Variants in NUSAP1 observed in about 807,000 individuals in gnomAD.
The protein encoded by NUSAP1 is nucleolar and spindle associated protein 1.
In NUSAP1, 32 loss-of-function variants were observed where a neutral mutation model predicts 52.8. That is an observed-to-expected ratio of 0.61 (90% CI 0.46 to 0.81). The LOEUF is 0.81. NUSAP1 is among the 40% of genes least tolerant of loss of function. The pLI is 0.00. For synonymous variants in NUSAP1, 195 were observed against 183.1 expected (o/e 1.06, Z -0.52); for missense variants, 499 against 522.3 (o/e 0.96, Z 0.43).
chr15:41,377,332 AT>A (rs1191238554), intron 10 of NUSAP1, 28 bp downstream of exon 10: 7 of 1,202,734 alleles, frequency 5.8e-6, no homozygotes. Context: ...CAGCTTTATA[AT>A]TATTTTAATT....
rs367798848 is a variant in NUSAP1, at chr15:41,359,707, C to CTGCA, written c.660+1450_660+1453dup. On this transcript the variant is annotated intron_variant, in intron 6 of 10. Transcript: ENST00000559596. ...AGGGCAATGGTACAGTCTCAGCTCA[C>CTGCA]TGCAACCTCTGCCTCCCTGATTCAA... Among the ~76,000 whole-genome samples, 394 of 151,792 alleles carry CTGCA rather than the reference C, an allele frequency of 2.6e-3. 1 individual carries two copies. The highest frequency in any genetic ancestry group is 9.0e-3 in the African/African-American group (374 of 41,376).
At chr15:41,375,962 A>G (rs897393611) in intron 9 of NUSAP1, 134 bp downstream of exon 9, 2 of 611,424 alleles carry the variant, frequency 3.3e-6, no homozygotes, top group Non-Finnish European at 5.9e-6. Flanking sequence ...GATACTTAGG[A>G]TGCTGAGACA....
chr15:41,366,221 C>T (rs550550432), intron 7 of NUSAP1, among the ~76,000 whole-genome samples: 1 of 152,280 alleles, frequency 6.6e-6, no homozygotes, highest in South Asian at 2.1e-4. Flanking sequence ...GATCATCCCA[C>T]CTTGGCCAAC....
chr15:41,367,309 A>C (rs796582659), intron 7 of NUSAP1, among the ~76,000 whole-genome samples: 6 of 152,302 alleles, frequency 3.9e-5, no homozygotes, highest in African/African-American at 1.4e-4. Flanking sequence ...CAGCTGCTTG[A>C]GAGTCTCTCC....
In NUSAP1 at chr15:41,351,029, C is replaced by T; in HGVS notation, c.348C>T (p.Phe116=). The part of the protein sequence containing the change: ...SEIKISNPTE[F]QNHEKQESQD... ...TAAAAATAAGTAATCCCACTGAATTCCAGAATCATGAAAAGCAGGAAAGCC... is the reference window on the plus strand; with the variant it reads ...TAAAAATAAGTAATCCCACTGAATTTCAGAATCATGAAAAGCAGGAAAGCC... Residue 116 remains phenylalanine, a synonymous_variant, in exon 4 of 11, where the codon TTC becomes TTT. Coordinates refer to ENST00000559596, the MANE Select transcript of NUSAP1 (RefSeq NM_016359.5). The T allele has an allele frequency of 6.2e-7, 1 of 1,613,140 alleles. No homozygotes were observed. The highest frequency in any genetic ancestry group is 8.5e-7 in the Non-Finnish European group (1 of 1,179,476).
chr15:41,343,866 G>C (rs534461458), intron 2 of NUSAP1, among the ~76,000 whole-genome samples: 2 of 151,800 alleles, frequency 1.3e-5, no homozygotes, highest in Non-Finnish European at 2.9e-5. Flanking sequence ...AGCTTTAAAA[G>C]TTTCTATATC....
intron 8 of NUSAP1, among the ~76,000 whole-genome samples, chr15:41,374,549 G>A (rs1381827412): frequency 6.6e-6 from 1 of 151,720 alleles, no homozygotes; most frequent in African/African-American, 2.4e-5. Flanking sequence ...TTCTTTTTTT[G>A]AGACACAGTC....
chr15:41,377,159 A>C (rs867743697), intron 9 of NUSAP1, 37 bp from the exon 10 acceptor site: 3 of 1,084,240 alleles, frequency 2.8e-6, no homozygotes, highest in Middle Eastern at 4.6e-4. Flanking sequence ...TAAATCAAAC[A>C]ATCTTTTTAA....
At chr15:41,365,309 A>G in intron 6 of NUSAP1, 93 bp from the exon 7 acceptor site, 1 of 1,074,572 alleles carries the variant, frequency 9.3e-7, no homozygotes, top group Non-Finnish European at 1.3e-6. Context: ...GGCACATGCC[A>G]CAACGCCCGG....
intron 9 of NUSAP1, 40 bp from the exon 10 acceptor site, chr15:41,377,156 A>G (rs923439497): frequency 9.4e-7 from 1 of 1,064,070 alleles, no homozygotes; most frequent in Non-Finnish European, 1.4e-6. Flanking sequence ...ATATAAATCA[A>G]ACAATCTTTT....
intron 8 of NUSAP1, among the ~76,000 whole-genome samples, 193 bp downstream of exon 8, chr15:41,371,877 TCTC>T (rs535221893): frequency 1.3e-5 from 2 of 152,098 alleles, no homozygotes; most frequent in Admixed American, 1.3e-4. Context: ...TTCAAGCAAT[TCTC>T]CTGCCTCAGC....
At chr15:41,358,573 CA>C (rs1482720612) in intron 6 of NUSAP1, among the ~76,000 whole-genome samples, 1 of 152,052 alleles carries the variant, frequency 6.6e-6, no homozygotes, top group East Asian at 1.9e-4. Context: ...CCTGTCTCTA[CA>C]AAAAATACAG....
intron 7 of NUSAP1, 119 bp from the exon 8 acceptor site, chr15:41,371,408 C>T: frequency 2.6e-6 from 2 of 757,558 alleles, no homozygotes; most frequent in Non-Finnish European, 2.0e-6. Flanking sequence ...GTTCCTATGA[C>T]AATTATTAAT....
chr15:41,376,382 T>C (rs947335581), intron 9 of NUSAP1, among the ~76,000 whole-genome samples: 1 of 121,408 alleles, frequency 8.2e-6, no homozygotes, highest in African/African-American at 3.2e-5. Context: ...CTGGGTGACA[T>C]AGTGAGACCA....
At chr15:41,353,965 A>G (rs1001880689) in intron 4 of NUSAP1, among the ~76,000 whole-genome samples, 8 of 152,238 alleles carry the variant, frequency 5.3e-5, no homozygotes, top group Non-Finnish European at 1.2e-4. Flanking sequence ...ATCCTTGCCT[A>G]ATAAATTCCA....
chr15:41,372,649 C>G (rs1308231757), intron 8 of NUSAP1, among the ~76,000 whole-genome samples: 2 of 152,168 alleles, frequency 1.3e-5, no homozygotes, highest in African/African-American at 2.4e-5. Context: ...TACTCCCTGT[C>G]AGCATTTGAT....
At chr15:41,377,723 G>A (rs1336855908) in intron 10 of NUSAP1, among the ~76,000 whole-genome samples, 3 of 149,308 alleles carry the variant, frequency 2.0e-5, no homozygotes, top group Admixed American at 1.4e-4. Flanking sequence ...TGGTATCATG[G>A]GCCAGGCACG....
chr15:41,377,896 G>C (rs1427773463), intron 10 of NUSAP1, among the ~76,000 whole-genome samples: 1 of 150,980 alleles, frequency 6.6e-6, no homozygotes, highest in East Asian at 1.9e-4. Flanking sequence ...AGCTACTCGG[G>C]AGACTGAGGC....
At chr15:41,353,052 T>C (rs941010894) in intron 4 of NUSAP1, among the ~76,000 whole-genome samples, 1 of 152,212 alleles carries the variant, frequency 6.6e-6, no homozygotes, top group Non-Finnish European at 1.5e-5. Flanking sequence ...CAGTTAGTTA[T>C]GGTGGTGTCT....
Sources: allele counts gnomAD v4.1 joint callset (sites outside exome capture counted in the v4.1 genomes callset), GRCh38; gene constraint gnomAD v4.1.1; transcripts MANE v1.5; gene names NCBI Gene and HGNC (gene_info 2026-07-23, HGNC 2026-07-21).